Variants in CNRIP1 observed in about 807,000 individuals in gnomAD.
CNRIP1 encodes cannabinoid receptor interacting protein 1, also known as CB1 cannabinoid receptor-interacting protein 1.
In CNRIP1, 10 loss-of-function variants were observed where a neutral mutation model predicts 15.2. The observed-to-expected ratio is 0.66, with a 90% CI of 0.41 to 1.12. The LOEUF (loss-of-function observed/expected upper bound fraction) is 1.12, where lower values mean the gene tolerates loss of function less well. Among genes scored for constraint, CNRIP1 ranks in the 50% most tolerant of loss-of-function variants. The pLI is 0.00. For missense variants in CNRIP1, 211 were observed against 214.7 expected, an observed-to-expected ratio of 0.98 and a Z score of 0.11; for synonymous variants, 91 against 83.2, an observed-to-expected ratio of 1.09 and a Z score of -0.51.
rs942015172 is a variant in CNRIP1, at chr2:68,293,608, G to A, written c.*254C>T. The A allele has an allele frequency of 3.7e-5, 42 of 1,141,502 alleles. No homozygotes were observed. In the East Asian group the frequency reaches 4.4e-4, roughly 12 times the overall value. 70.7% of individuals were successfully genotyped at this position (1,141,502 alleles called of 1,614,324 possible). ...GTCACAAGTGGTCAAAAGTATGACC[G>A]AGAACAACTGGATGCAGGAACATCA... On this transcript the variant is annotated 3_prime_UTR_variant, in exon 3 of 3. Transcript: ENST00000263655.
chr2:68,319,719 C>A lies in CNRIP1; in HGVS notation c.-319G>T, dbSNP rs1399967878. The A allele has an allele frequency of 3.2e-6, 1 of 315,676 alleles. No homozygotes were observed. Among genetic ancestry groups the A allele is most frequent in the Non-Finnish European group, 5.9e-6 (1 of 169,088 alleles). 19.6% of individuals were successfully genotyped at this position (315,676 alleles called of 1,614,324 possible). A position where few individuals can be genotyped will look rare whatever the true frequency, so the allele number is the denominator to read the frequency against. On this transcript the variant is annotated 5_prime_UTR_variant, in exon 1 of 3. Transcript: ENST00000263655. ...CGAAGGCTCGCTCTGGCCCGCAGGCCGCCGCGCAGATCCGCGCAGCTGGGG... is the reference window on the plus strand; with the variant it reads ...CGAAGGCTCGCTCTGGCCCGCAGGCAGCCGCGCAGATCCGCGCAGCTGGGG...
intron 2 of CNRIP1, chr2:68,284,612 G>T: frequency 2.0e-6 from 1 of 506,436 alleles, no homozygotes; most frequent in Non-Finnish European, 3.4e-6. Flanking sequence ...AGGAGTTCGA[G>T]ACCAGCTGAC....
At chr2:68,291,878 CAAAAAAA>C (rs527648471), downstream of CNRIP1, among the ~76,000 whole-genome samples, 2 of 85,052 alleles carry the variant, frequency 2.4e-5, no homozygotes, top group Admixed American at 1.3e-4. Context: ...GACTCCATCT[CAAAAAAA>C]AAAAAAAAAA....
rs150471112 is a variant in CNRIP1 at position 68,319,192 on chromosome 2, C to T, written c.179+30G>A. ...TCCTCTGCCTGTACCCCATGGGGGACCCTGCTGCCACCAGGCGCCCCGCAC... is the reference window on the plus strand; with the variant it reads ...TCCTCTGCCTGTACCCCATGGGGGATCCTGCTGCCACCAGGCGCCCCGCAC... On this transcript the variant is annotated intron_variant, in intron 1 of 2. Coordinates refer to ENST00000263655, the MANE Select transcript of CNRIP1 (RefSeq NM_015463.3). The T allele has an allele frequency of 5.9e-6, 9 of 1,517,986 alleles. No individual in the cohort carries two copies. The East Asian group carries it at 2.0e-4, about 34-fold the overall frequency. 94.0% of individuals were successfully genotyped at this position (1,517,986 alleles called of 1,614,324 possible).
intron 2 of CNRIP1, among the ~76,000 whole-genome samples, chr2:68,311,821 A>G (rs1212091601): frequency 2.0e-5 from 3 of 151,598 alleles, no homozygotes; most frequent in Non-Finnish European, 4.4e-5. Flanking sequence ...TCAAAGAGTA[A>G]AAGAGTAGAC....
At chr2:68,309,288 T>C (rs1690333840) in intron 2 of CNRIP1, among the ~76,000 whole-genome samples, 1 of 152,212 alleles carries the variant, frequency 6.6e-6, no homozygotes, top group Non-Finnish European at 1.5e-5. Flanking sequence ...GATGTTTTCC[T>C]CAGAAAAACA....
At chr2:68,284,395 G>A (rs536556888) in exon 3 of CNRIP1, 16 of 1,344,550 alleles carry the variant, frequency 1.2e-5, no homozygotes, top group Non-Finnish European at 6.9e-6. Flanking sequence ...AAGAACATTT[G>A]TTCCTCATGA....
chr2:68,307,003 T>C (rs976590579), intron 2 of CNRIP1, among the ~76,000 whole-genome samples: 1 of 152,184 alleles, frequency 6.6e-6, no homozygotes, highest in African/African-American at 2.4e-5. Context: ...TGAAATAAGA[T>C]TCATAAATTT....
chr2:68,318,772 C>G (rs1672375466), intron 1 of CNRIP1, among the ~76,000 whole-genome samples: 1 of 152,228 alleles, frequency 6.6e-6, no homozygotes, highest in South Asian at 2.1e-4. Flanking sequence ...CACCTCATTC[C>G]TCCTTTCTCC....
exon 3 of CNRIP1, chr2:68,284,377 A>G: frequency 8.1e-7 from 1 of 1,234,832 alleles, no homozygotes; most frequent in Non-Finnish European, 1.1e-6. Context: ...TAATTTGGAA[A>G]AAAAAAAAAG....
At chr2:68,290,024 C>A (rs1272943180), downstream of CNRIP1, among the ~76,000 whole-genome samples, 1 of 89,652 alleles carries the variant, frequency 1.1e-5, no homozygotes, top group Non-Finnish European at 2.1e-5. Context: ...AGAATCTGAA[C>A]TTTTTTTTTT....
intron 2 of CNRIP1, among the ~76,000 whole-genome samples, chr2:68,296,255 C>T (rs1470877543): frequency 6.6e-6 from 1 of 152,128 alleles, no homozygotes; most frequent in East Asian, 1.9e-4. Context: ...AGTATTAATT[C>T]AGTTAAAATT....
At chr2:68,287,673 T>G (rs540236994) in intron 2 of CNRIP1, among the ~76,000 whole-genome samples, 1 of 152,332 alleles carries the variant, frequency 6.6e-6, no homozygotes, top group South Asian at 2.1e-4. Context: ...GACTGTTGGA[T>G]AATTTCAGCC....
downstream of CNRIP1, among the ~76,000 whole-genome samples, chr2:68,291,623 G>A (rs558637661): frequency 2.0e-5 from 3 of 152,198 alleles, no homozygotes; most frequent in South Asian, 2.1e-4. Context: ...GCTCACGCCT[G>A]TAATCCCAGC....
chr2:68,289,884 T>C (rs935721226), downstream of CNRIP1, among the ~76,000 whole-genome samples: 1 of 152,192 alleles, frequency 6.6e-6, no homozygotes, highest in African/African-American at 2.4e-5. Context: ...ATAACCATTC[T>C]GCAAGGTAAA....
At chr2:68,312,812 A>G (rs1672141808) in intron 2 of CNRIP1, among the ~76,000 whole-genome samples, 1 of 152,188 alleles carries the variant, frequency 6.6e-6, no homozygotes, top group African/African-American at 2.4e-5. Flanking sequence ...CAAAGATTCC[A>G]TTTACATTAT....
At chr2:68,291,573 A>C (rs1558660224), downstream of CNRIP1, among the ~76,000 whole-genome samples, 1 of 151,706 alleles carries the variant, frequency 6.6e-6, no homozygotes, top group Non-Finnish European at 1.5e-5. Context: ...TAAAGCCTTT[A>C]GTTAAAAAAG....
At chr2:68,314,268 C>T (rs1276363754) in intron 2 of CNRIP1, among the ~76,000 whole-genome samples, 1 of 151,884 alleles carries the variant, frequency 6.6e-6, no homozygotes, top group East Asian at 1.9e-4. Context: ...AGGAAATCCT[C>T]AAATATTTGC....
At position 68,302,910 on chromosome 2, in the gene CNRIP1, G is replaced by A. The variant is rs193070939; in HGVS notation, c.331-8884C>T. Among the ~76,000 whole-genome samples the A allele has an allele frequency of 6.8e-3, 998 of 146,686 alleles. 17 individuals are homozygous for A. Among genetic ancestry groups the A allele is most frequent in the African/African-American group, 0.024 (936 of 39,236 alleles). ...CGCCCAGGCTGGAGTGCAGTGGTGC[G>A]ATCTCGGCTCACTGCAGGCTCCGCC... On this transcript the variant is annotated intron_variant, in intron 2 of 2. Transcript: ENST00000263655.
Sources: gnomAD v4.1 joint callset for allele counts (sites outside exome capture counted in the v4.1 genomes callset) on GRCh38, gnomAD v4.1.1 for gene constraint, MANE v1.5 for transcripts, NCBI Gene and HGNC (gene_info 2026-07-23, HGNC 2026-07-21) for gene names.